The following SCAPER variants were observed in gnomAD, a reference collection of about 807,000 sequenced individuals.
SCAPER encodes the protein S-phase cyclin A associated protein in the ER, also known as S phase cyclin A-associated protein in the endoplasmic reticulum.
In SCAPER, 98 loss-of-function variants were observed where a neutral mutation model predicts 182.2. The observed-to-expected ratio is 0.54, with a 90% confidence interval of 0.46 to 0.64. The LOEUF is 0.64. Among genes scored for constraint, SCAPER ranks in the 30% least tolerant of loss-of-function variants. The pLI, the probability that SCAPER is intolerant of heterozygous loss-of-function variation, is 0.00. For missense variants in SCAPER, 1,432 were observed against 1,690.0 expected (o/e 0.85, Z 2.68); for synonymous variants, 605 against 564.6 (o/e 1.07, Z -1.01).
At chr15:76,758,377 C>CA (rs1232911025) in intron 14 of SCAPER, among the ~76,000 whole-genome samples, 5 of 152,152 alleles carry the variant, frequency 3.3e-5, no homozygotes. Flanking sequence ...GCATCCTTGT[C>CA]AAAGACCAGT....
chr15:76,431,878 T>C (rs893370361), intron 26 of SCAPER, among the ~76,000 whole-genome samples: 5 of 152,124 alleles, frequency 3.3e-5, no homozygotes, highest in African/African-American at 1.2e-4. Context: ...TCAATCATCA[T>C]TTTTAAGTCA....
intron 24 of SCAPER, among the ~76,000 whole-genome samples, chr15:76,485,080 G>C (rs561161909): frequency 5.0e-4 from 76 of 152,202 alleles, no homozygotes; most frequent in African/African-American, 1.6e-3. Context: ...GAGAAGTAAA[G>C]GGCATTCAAA....
intron 21 of SCAPER, among the ~76,000 whole-genome samples, chr15:76,661,511 G>A (rs1156726912): frequency 6.6e-6 from 1 of 152,046 alleles, no homozygotes; most frequent in Non-Finnish European, 1.5e-5. Context: ...ATCAAAAAGT[G>A]GGCCAAGGAC....
chr15:76,457,481 A>C (rs1337399326), intron 25 of SCAPER, among the ~76,000 whole-genome samples: 1 of 152,070 alleles, frequency 6.6e-6, no homozygotes, highest in East Asian at 1.9e-4. Flanking sequence ...TTCTTTTGGA[A>C]TATCCTTTTG....
At chr15:76,852,723 C>G (rs192555098) in intron 4 of SCAPER, among the ~76,000 whole-genome samples, 14 of 152,166 alleles carry the variant, frequency 9.2e-5, no homozygotes, top group African/African-American at 2.9e-4. Flanking sequence ...CACTAAACAC[C>G]CACATCAAAA....
chr15:76,694,276 C>T (rs1334762064), intron 20 of SCAPER, among the ~76,000 whole-genome samples: 1 of 152,050 alleles, frequency 6.6e-6, no homozygotes, highest in African/African-American at 2.4e-5. Context: ...TCATCAGTAT[C>T]TTACAGTTTT....
chr15:76,433,790 T>C lies in SCAPER; in HGVS notation c.3311+288A>G, dbSNP rs187824424. On this transcript the variant is annotated intron_variant, in intron 26 of 31. Transcript: ENST00000563290. ...GTTTATCATTGAGCATGTATTACTT[T>C]CATAATTAGGAAAAAGAACTTATTT... Among the ~76,000 whole-genome samples the C allele has an allele frequency of 2.1e-3, 326 of 152,342 alleles. 2 individuals are homozygous for C. The highest frequency in any genetic ancestry group is 7.3e-3 in the African/African-American group (302 of 41,584).
intron 23 of SCAPER, among the ~76,000 whole-genome samples, chr15:76,543,360 TC>T (rs1233249585): frequency 6.6e-6 from 1 of 152,234 alleles, no homozygotes; most frequent in African/African-American, 2.4e-5. Context: ...TGCAGTTTTT[TC>T]TTATTTAAAA....
intron 24 of SCAPER, among the ~76,000 whole-genome samples, chr15:76,479,936 G>C (rs2050967682): frequency 6.6e-6 from 1 of 152,226 alleles, no homozygotes; most frequent in African/African-American, 2.4e-5. Context: ...AGTAGGGATA[G>C]CAAGTACTAG....
intron 26 of SCAPER, among the ~76,000 whole-genome samples, chr15:76,417,233 A>C (rs1053062801): frequency 2.6e-5 from 4 of 151,644 alleles, no homozygotes; most frequent in African/African-American, 4.8e-5. Flanking sequence ...AAAACAAAAA[A>C]ACAAGAAACT....
chr15:76,833,378 T>C (rs2068669667), intron 5 of SCAPER, among the ~76,000 whole-genome samples: 1 of 151,514 alleles, frequency 6.6e-6, no homozygotes, highest in African/African-American at 2.4e-5. Flanking sequence ...CCTAAGGGAG[T>C]GCTAAACATG....
chr15:76,549,574 AC>A (rs1193587427), intron 23 of SCAPER, among the ~76,000 whole-genome samples: 2 of 152,178 alleles, frequency 1.3e-5, no homozygotes, highest in Non-Finnish European at 2.9e-5. Context: ...AGGAAGGGGA[AC>A]ATCACACTCT....
chr15:76,761,670 T>C (rs2062796441), intron 14 of SCAPER, among the ~76,000 whole-genome samples: 1 of 152,216 alleles, frequency 6.6e-6, no homozygotes, highest in Admixed American at 6.5e-5. Context: ...TTCCATCTTC[T>C]TAAATTTCTA....
chr15:76,600,873 G>A (rs1489028541), intron 22 of SCAPER, among the ~76,000 whole-genome samples: 3 of 121,148 alleles, frequency 2.5e-5, no homozygotes, highest in African/African-American at 7.6e-5. Flanking sequence ...GATAAAAGAA[G>A]AAATGAAGTC....
chr15:76,643,574 C>T (rs1014053604), intron 21 of SCAPER, among the ~76,000 whole-genome samples: 7 of 151,988 alleles, frequency 4.6e-5, no homozygotes, highest in African/African-American at 1.7e-4. Flanking sequence ...CCCAGCTACT[C>T]GGGAGGCTGT....
chr15:76,697,512 T>C (rs2058713798), intron 20 of SCAPER, among the ~76,000 whole-genome samples: 1 of 152,220 alleles, frequency 6.6e-6, no homozygotes, highest in Non-Finnish European at 1.5e-5. Context: ...CTTCTAACCT[T>C]TTCTCACTGA....
intron 5 of SCAPER, among the ~76,000 whole-genome samples, chr15:76,820,676 A>C (rs2067468191): frequency 6.6e-6 from 1 of 152,072 alleles, no homozygotes; most frequent in East Asian, 1.9e-4. Context: ...CCAACATGGC[A>C]CATGTATACA....
chr15:76,770,325 C>T (rs539837956), intron 10 of SCAPER, among the ~76,000 whole-genome samples: 3 of 151,572 alleles, frequency 2.0e-5, no homozygotes, highest in East Asian at 3.9e-4. Flanking sequence ...GTACATTGTG[C>T]ACATGTACCC....
chr15:76,494,093 A>G (rs2040264615), intron 24 of SCAPER, among the ~76,000 whole-genome samples: 1 of 152,166 alleles, frequency 6.6e-6, no homozygotes. Context: ...ATACTCTTTT[A>G]TTAGTGCTTA....
Sources: allele counts gnomAD v4.1 joint callset (sites outside exome capture counted in the v4.1 genomes callset), GRCh38; gene constraint gnomAD v4.1.1; transcripts MANE v1.5; gene names NCBI Gene and HGNC (gene_info 2026-07-23, HGNC 2026-07-21).